The following WWOX variants were observed in gnomAD, a reference collection of about 807,000 sequenced individuals.
WWOX encodes the protein WW domain containing oxidoreductase.
Under a neutral mutation model 46.2 loss-of-function variants are expected in WWOX, and 69 were observed. That is an observed-to-expected ratio of 1.49 (90% confidence interval 1.23 to 1.82). The LOEUF (loss-of-function observed/expected upper bound fraction) is 1.82, where lower values mean the gene tolerates loss of function less well. WWOX is among the 40% of genes most tolerant of loss of function. The pLI is 0.00. For synonymous variants in WWOX, 359 were observed against 202.6 expected (o/e 1.77, Z -6.56); for missense variants, 919 against 542.6 (o/e 1.69, Z -6.89).
At chr16:78,481,768 C>T (rs576691045) in intron 8 of WWOX, among the ~76,000 whole-genome samples, 37 of 84,940 alleles carry the variant, frequency 4.4e-4, no homozygotes, top group South Asian at 6.6e-4. Flanking sequence ...TGTGTGTGCG[C>T]GCGCCTGCAT....
At chr16:78,405,845 G>C (rs1427541792) in intron 6 of WWOX, among the ~76,000 whole-genome samples, 1 of 152,090 alleles carries the variant, frequency 6.6e-6, no homozygotes, top group East Asian at 1.9e-4. Context: ...TCACTTTCCT[G>C]AGGGCCACAC....
chr16:79,141,857 C>CT (rs1349578746), intron 8 of WWOX, among the ~76,000 whole-genome samples: 1 of 152,030 alleles, frequency 6.6e-6, no homozygotes, highest in African/African-American at 2.4e-5. Context: ...CTCTTCAGTG[C>CT]TTCTTGGCGT....
At chr16:78,169,283 A>G (rs8048466) in intron 5 of WWOX, among the ~76,000 whole-genome samples, 114,601 of 152,116 alleles carry the variant, frequency 0.75, 43,457 homozygotes, top group East Asian at 0.91. Context: ...CTTTTATTTA[A>G]CAGCAGTGTC....
chr16:78,486,325 C>T lies in WWOX; in HGVS notation c.1056+53573C>T, dbSNP rs183802651. 3.9e-5 allele frequency among the ~76,000 whole-genome samples: 6 copies of T among 152,294 alleles called. No homozygotes were observed. The East Asian group carries it at 9.7e-4, about 25-fold the overall frequency. ...ATGCCGACTAATAGACATAAATAAC[C>T]TCATGAGCATAGATAATAGTCACAT... On this transcript the variant is annotated intron_variant, in intron 8 of 8. Coordinates refer to ENST00000566780, the MANE Select transcript of WWOX (RefSeq NM_016373.4).
At chr16:78,140,080 G>A (rs1319790275) in intron 4 of WWOX, among the ~76,000 whole-genome samples, 1 of 152,150 alleles carries the variant, frequency 6.6e-6, no homozygotes. Context: ...GATGGAAATG[G>A]GGGGATCCAT....
chr16:79,006,872 C>CT (rs1479945981), intron 8 of WWOX, among the ~76,000 whole-genome samples: 1 of 152,160 alleles, frequency 6.6e-6, no homozygotes, highest in Non-Finnish European at 1.5e-5. Context: ...CCCTCTTCCG[C>CT]TTTAAGGACC....
intron 8 of WWOX, among the ~76,000 whole-genome samples, chr16:79,167,067 A>C (rs905636049): frequency 1.3e-5 from 2 of 152,138 alleles, no homozygotes; most frequent in Middle Eastern, 3.4e-3. Context: ...CAGCCTCCTG[A>C]GTAGCTGTGA....
chr16:78,234,087 T>C (rs77192682), intron 5 of WWOX, among the ~76,000 whole-genome samples: 111 of 151,168 alleles, frequency 7.3e-4, no homozygotes, highest in African/African-American at 2.4e-3. Flanking sequence ...TTATTGATTT[T>C]AGTCCAGAAC....
At chr16:79,076,057 C>T (rs1053373942) in intron 8 of WWOX, among the ~76,000 whole-genome samples, 13 of 151,970 alleles carry the variant, frequency 8.6e-5, no homozygotes, top group Non-Finnish European at 1.6e-4. Flanking sequence ...GAAAATGTTT[C>T]TTAGAAATTT....
chr16:78,556,823 A>G (rs960982616), intron 8 of WWOX, among the ~76,000 whole-genome samples: 12 of 151,938 alleles, frequency 7.9e-5, no homozygotes, highest in Non-Finnish European at 1.0e-4. Context: ...GGTTCAAGCA[A>G]TTCTCGCACC....
chr16:78,361,167 C>T (rs891962953), intron 5 of WWOX, among the ~76,000 whole-genome samples: 2 of 152,130 alleles, frequency 1.3e-5, no homozygotes, highest in African/African-American at 4.8e-5. Context: ...TTCCTTCTTT[C>T]TGATCTTGAG....
chr16:78,396,185 A>G (rs967889816), intron 6 of WWOX, among the ~76,000 whole-genome samples: 3 of 152,210 alleles, frequency 2.0e-5, no homozygotes, highest in Non-Finnish European at 2.9e-5. Context: ...TTCTTACAGT[A>G]GTTGTGATGC....
chr16:78,877,653 T>C (rs1311221583), intron 8 of WWOX, among the ~76,000 whole-genome samples: 1 of 152,210 alleles, frequency 6.6e-6, no homozygotes, highest in Non-Finnish European at 1.5e-5. Context: ...AGTTTTGTGT[T>C]TATTCTCCTA....
intron 8 of WWOX, among the ~76,000 whole-genome samples, chr16:78,810,878 T>C (rs1276733308): frequency 6.6e-6 from 1 of 152,230 alleles, no homozygotes. Flanking sequence ...TTTGTCATAA[T>C]GCCAGAAGAG....
At chr16:78,295,446 T>C (rs919915784) in intron 5 of WWOX, among the ~76,000 whole-genome samples, 2 of 152,218 alleles carry the variant, frequency 1.3e-5, no homozygotes, top group Non-Finnish European at 1.5e-5. Flanking sequence ...GTGTGGTGGC[T>C]CACGCCTGTA....
chr16:78,105,547 G>A (rs2032086109), intron 1 of WWOX, among the ~76,000 whole-genome samples: 1 of 151,994 alleles, frequency 6.6e-6, no homozygotes, highest in Admixed American at 6.5e-5. Context: ...TGAAAGTCAA[G>A]AACGTAGGTT....
chr16:78,375,830 A>T (rs9926504), intron 5 of WWOX, among the ~76,000 whole-genome samples: 3,558 of 151,636 alleles, frequency 0.023, 119 homozygotes, highest in African/African-American at 0.075. Flanking sequence ...TTACCGGAGA[A>T]ACAATGAGTA....
intron 5 of WWOX, among the ~76,000 whole-genome samples, chr16:78,346,195 T>C (rs1424950701): frequency 3.3e-5 from 4 of 121,806 alleles, no homozygotes; most frequent in African/African-American, 1.1e-4. Context: ...TACTGCTGCC[T>C]GTATCAGTGG....
At chr16:78,592,308 A>C (rs1298470575) in intron 8 of WWOX, among the ~76,000 whole-genome samples, 1 of 152,202 alleles carries the variant, frequency 6.6e-6, no homozygotes, top group Non-Finnish European at 1.5e-5. Context: ...CAAGATGTGG[A>C]ATTTTGGCAA....
Sources: gnomAD v4.1 joint callset for allele counts (sites outside exome capture counted in the v4.1 genomes callset) on GRCh38, gnomAD v4.1.1 for gene constraint, MANE v1.5 for transcripts, NCBI Gene and HGNC (gene_info 2026-07-23, HGNC 2026-07-21) for gene names.